Variants in NEK1 observed in about 807,000 individuals in gnomAD.
The protein encoded by NEK1 is serine/threonine-protein kinase Nek1.
NEK1 carries 137 observed loss-of-function variants against 182.1 expected under a neutral mutation model. That is an observed-to-expected ratio of 0.75 (90% CI 0.65 to 0.87). NEK1 has a LOEUF of 0.87. Among genes scored for constraint, NEK1 ranks in the 40% least tolerant of loss-of-function variants. The pLI is 0.00. For synonymous variants in NEK1, 513 were observed against 492.2 expected (o/e 1.04, Z -0.56); for missense variants, 1,391 against 1,494.4 (o/e 0.93, Z 1.14).
intron 29 of NEK1, among the ~76,000 whole-genome samples, chr4:169,432,719 G>A (rs577317274): frequency 1.3e-5 from 2 of 152,240 alleles, no homozygotes; most frequent in East Asian, 3.9e-4. Flanking sequence ...GAAGACAAGA[G>A]TGGATGGGGA....
intron 19 of NEK1, among the ~76,000 whole-genome samples, chr4:169,536,046 G>A (rs961717210): frequency 1.3e-5 from 2 of 151,706 alleles, no homozygotes; most frequent in Admixed American, 1.3e-4. Flanking sequence ...TGTAATCACA[G>A]CACTTTCGGA....
chr4:169,480,683 T>C (rs930575600), intron 23 of NEK1, among the ~76,000 whole-genome samples: 3 of 152,166 alleles, frequency 2.0e-5, no homozygotes, highest in African/African-American at 4.8e-5. Flanking sequence ...AAAATGAAGT[T>C]TGCTGCATCC....
At position 169,454,588 on chromosome 4, in the gene NEK1, T is replaced by C. The variant is rs150437708; in HGVS notation, c.2587+8655A>G. Among the ~76,000 whole-genome samples the C allele has an allele frequency of 3.0e-3, 451 of 152,314 alleles. 1 individual carries two copies. Among genetic ancestry groups the C allele is most frequent in the African/African-American group, 0.01 (420 of 41,546 alleles). Reference sequence around the variant, plus strand: ...CAAACATATGAAAAAATGCTCATCATCACTGATCATTAGAGAAATGCAAAT... The same window carrying C: ...CAAACATATGAAAAAATGCTCATCACCACTGATCATTAGAGAAATGCAAAT... On this transcript the variant is annotated intron_variant, in intron 27 of 35. Coordinates refer to ENST00000507142, the MANE Select transcript of NEK1 (RefSeq NM_001199397.3).
intron 19 of NEK1, among the ~76,000 whole-genome samples, chr4:169,527,639 A>G (rs933768177): frequency 3.9e-5 from 6 of 152,164 alleles, no homozygotes; most frequent in African/African-American, 1.4e-4. Flanking sequence ...TAGAGCAACC[A>G]CAAAGAAATT....
At chr4:169,512,568 T>C (rs1160210353) in intron 19 of NEK1, among the ~76,000 whole-genome samples, 1 of 152,066 alleles carries the variant, frequency 6.6e-6, no homozygotes, top group Non-Finnish European at 1.5e-5. Flanking sequence ...TGTATTTTCT[T>C]TCTCTTAACA....
At chr4:169,464,682 TG>T (rs1227741912) in intron 26 of NEK1, among the ~76,000 whole-genome samples, 2 of 151,950 alleles carry the variant, frequency 1.3e-5, no homozygotes, top group East Asian at 1.9e-4. Context: ...TAAATACAAT[TG>T]GGGGGAATAT....
chr4:169,435,253 C>G (rs1738184604), intron 28 of NEK1, among the ~76,000 whole-genome samples: 1 of 151,262 alleles, frequency 6.6e-6, no homozygotes, highest in South Asian at 2.1e-4. Context: ...AAGCAGAAAG[C>G]TCTCTGGCCT....
Position 169,588,747 on chromosome 4 carries a change from A to T in NEK1, c.465-12T>A. ...CCAGCTCTACAGTACTAGAAGAAAA[A>T]TAAAATTATTGGAGAAGTTAAAGAC... On this transcript the variant is annotated splice_polypyrimidine_tract_variant and intron_variant, in intron 7 of 35. Transcript: ENST00000507142. 1 of 1,503,408 alleles carries T rather than the reference A, an allele frequency of 6.7e-7. No homozygotes were observed. The highest frequency in any genetic ancestry group is 9.1e-7 in the Non-Finnish European group (1 of 1,103,218). The allele number at this position is 1,503,408 out of a possible 1,614,324, so 93.1% of individuals were successfully genotyped here.
At chr4:169,425,214 G>GC (rs145373961) in intron 30 of NEK1, among the ~76,000 whole-genome samples, 8,493 of 151,610 alleles carry the variant, frequency 0.056, 246 homozygotes, top group African/African-American at 0.072. Flanking sequence ...ATTGCTTGAG[G>GC]CCAGGAGTTT....
chr4:169,435,411 C>A (rs1045589843), intron 28 of NEK1, among the ~76,000 whole-genome samples: 1 of 152,078 alleles, frequency 6.6e-6, no homozygotes, highest in African/African-American at 2.4e-5. Context: ...AACAAACTTT[C>A]GTTCCATAAT....
At chr4:169,582,538 C>A (rs1202636902) in intron 10 of NEK1, among the ~76,000 whole-genome samples, 2 of 152,164 alleles carry the variant, frequency 1.3e-5, no homozygotes, top group Admixed American at 6.5e-5. Context: ...CTCTTCTCAA[C>A]AAATGCATTT....
At chr4:169,523,948 A>C (rs1194810734) in intron 19 of NEK1, among the ~76,000 whole-genome samples, 1 of 152,238 alleles carries the variant, frequency 6.6e-6, no homozygotes, top group Admixed American at 6.5e-5. Context: ...AGTATGATTT[A>C]AGATGAGTTA....
At chr4:169,413,170 A>T (rs1027891204) in intron 31 of NEK1, among the ~76,000 whole-genome samples, 11 of 55,868 alleles carry the variant, frequency 2.0e-4, no homozygotes. Flanking sequence ...TAGTACAGCT[A>T]ATTTTTTTTT....
intron 23 of NEK1, among the ~76,000 whole-genome samples, chr4:169,487,705 T>C (rs539562189): frequency 6.6e-6 from 1 of 152,338 alleles, no homozygotes; most frequent in African/African-American, 2.4e-5. Flanking sequence ...GGTCAAATGG[T>C]GTACCTGCTT....
rs891367991 is a variant in NEK1 at position 169,610,848 on chromosome 4, C to G, written c.-49+1172G>C. ...CAACAGGTTTCAAGAAGTCTTTTGGCGCTGTATGCAGCTACAATCCATACA... is the reference window on the plus strand; with the variant it reads ...CAACAGGTTTCAAGAAGTCTTTTGGGGCTGTATGCAGCTACAATCCATACA... On this transcript the variant is annotated intron_variant, in intron 2 of 35. Coordinates refer to ENST00000507142, the MANE Select transcript of NEK1 (RefSeq NM_001199397.3). Among the ~76,000 whole-genome samples the G allele has an allele frequency of 2.0e-5, 3 of 152,196 alleles. No homozygotes were observed. In the East Asian group the frequency reaches 5.8e-4, roughly 29 times the overall value.
At chr4:169,465,135 G>A (rs1263294720) in intron 26 of NEK1, among the ~76,000 whole-genome samples, 2 of 152,048 alleles carry the variant, frequency 1.3e-5, no homozygotes, top group Non-Finnish European at 2.9e-5. Flanking sequence ...GTTTCATACA[G>A]CCAAAATGAT....
At chr4:169,442,394 A>T (rs1739635730) in intron 27 of NEK1, among the ~76,000 whole-genome samples, 1 of 152,192 alleles carries the variant, frequency 6.6e-6, no homozygotes, top group Non-Finnish European at 1.5e-5. Context: ...CCAGAATCAA[A>T]GCCAAAACAC....
At chr4:169,590,674 A>G in intron 6 of NEK1, 52 bp downstream of exon 6, 1 of 1,360,658 alleles carries the variant, frequency 7.3e-7, no homozygotes, top group Non-Finnish European at 1.0e-6. Context: ...CAAAACAATG[A>G]AGGTTCCATG....
chr4:169,439,901 C>T (rs1467393905), intron 27 of NEK1, among the ~76,000 whole-genome samples: 2 of 139,532 alleles, frequency 1.4e-5, no homozygotes, highest in East Asian at 2.1e-4. Context: ...TCACCCAGTG[C>T]GGTGGCGTGA....
Sources: allele counts gnomAD v4.1 joint callset (sites outside exome capture counted in the v4.1 genomes callset), GRCh38; gene constraint gnomAD v4.1.1; transcripts MANE v1.5; gene names NCBI Gene and HGNC (gene_info 2026-07-23, HGNC 2026-07-21).